Variants in RARB observed in about 807,000 individuals in gnomAD.
The protein encoded by RARB is HBV-activated protein.
RARB carries 17 observed loss-of-function variants against 51.9 expected under a neutral mutation model. The ratio of observed to expected loss-of-function variants is 0.33; its 90% CI spans 0.22 to 0.49. The LOEUF is 0.49. Among genes scored for constraint, RARB ranks in the 20% least tolerant of loss-of-function variants. The pLI, the probability that RARB is intolerant of heterozygous loss-of-function variation, is 0.99. For synonymous variants in RARB, 215 were observed against 195.4 expected, an observed-to-expected ratio of 1.10 and a Z score of -0.84; for missense variants, 369 against 550.8, an observed-to-expected ratio of 0.67 and a Z score of 3.30.
chr3:25,095,588 A>G (rs1286788322), intron 3 of RARB, among the ~76,000 whole-genome samples: 1 of 152,176 alleles, frequency 6.6e-6, no homozygotes, highest in African/African-American at 2.4e-5. Context: ...GTGGAGAAAT[A>G]TATTTAAACT....
chr3:25,473,407 C>T (rs1575437854), intron 2 of RARB, among the ~76,000 whole-genome samples: 2 of 152,154 alleles, frequency 1.3e-5, no homozygotes, highest in South Asian at 2.1e-4. Context: ...TCTGGCAGGC[C>T]GGCCCCATTA....
At chr3:25,053,895 A>G (rs1472731062) in intron 2 of RARB, among the ~76,000 whole-genome samples, 1 of 152,194 alleles carries the variant, frequency 6.6e-6, no homozygotes, top group East Asian at 1.9e-4. Flanking sequence ...GCCTGTACTC[A>G]TCTTTTGAAA....
At chr3:24,957,581 A>G (rs1056682464) in intron 2 of RARB, among the ~76,000 whole-genome samples, 2 of 152,220 alleles carry the variant, frequency 1.3e-5, no homozygotes, top group African/African-American at 2.4e-5. Context: ...TATTTACAGA[A>G]TTTGAAAAAT....
At chr3:25,110,747 G>C (rs1261030481) in intron 3 of RARB, among the ~76,000 whole-genome samples, 1 of 152,130 alleles carries the variant, frequency 6.6e-6, no homozygotes, top group Non-Finnish European at 1.5e-5. Context: ...GTGTATTGTA[G>C]CTCAGTTTAA....
At chr3:24,985,459 C>T (rs1372533577) in intron 2 of RARB, among the ~76,000 whole-genome samples, 1 of 150,672 alleles carries the variant, frequency 6.6e-6, no homozygotes, top group African/African-American at 2.4e-5. Context: ...AAAAAACAGA[C>T]AAATCTTTGC....
intron 4 of RARB, among the ~76,000 whole-genome samples, chr3:25,137,572 T>C (rs1241214539): frequency 1.3e-5 from 2 of 152,122 alleles, no homozygotes; most frequent in Non-Finnish European, 2.9e-5. Context: ...TCCACATAGA[T>C]GTTAAAGTTT....
At chr3:25,298,902 G>A (rs562274585) in intron 5 of RARB, among the ~76,000 whole-genome samples, 24 of 152,232 alleles carry the variant, frequency 1.6e-4, no homozygotes, top group Middle Eastern at 3.4e-3. Flanking sequence ...CCAAATTCCT[G>A]GAGAGACCTG....
intron 5 of RARB, among the ~76,000 whole-genome samples, chr3:25,211,347 A>G (rs1701691838): frequency 6.6e-6 from 1 of 152,236 alleles, no homozygotes; most frequent in Non-Finnish European, 1.5e-5. Context: ...GATTTGAGCC[A>G]TTTCTACAAA....
intron 5 of RARB, among the ~76,000 whole-genome samples, chr3:25,184,567 G>C (rs1209051000): frequency 6.6e-6 from 1 of 152,058 alleles, no homozygotes; most frequent in Non-Finnish European, 1.5e-5. Flanking sequence ...TGGAGTGAGA[G>C]AGGTGGCTGC....
intron 2 of RARB, among the ~76,000 whole-genome samples, chr3:25,034,003 T>A (rs1181710689): frequency 1.3e-5 from 2 of 152,216 alleles, no homozygotes; most frequent in Non-Finnish European, 2.9e-5. Flanking sequence ...TCCTTGTTTT[T>A]CTTAAGCCGT....
rs17015744 is a variant in RARB at position 25,065,385 on chromosome 3, A to G, written c.-328+5209A>G. 7.3e-3 allele frequency among the ~76,000 whole-genome samples: 1,115 copies of G among 152,308 alleles called. 10 individuals carry two copies. The highest frequency in any genetic ancestry group is 0.025 in the African/African-American group (1,041 of 41,558). ...TCTAGACATTGCATTTAAAAATCTGAATATGTTTTGATAGAGGATAATTTT... is the reference window on the plus strand; with the variant it reads ...TCTAGACATTGCATTTAAAAATCTGGATATGTTTTGATAGAGGATAATTTT... On this transcript the variant is annotated intron_variant, in intron 3 of 11. Coordinates refer to the RARB transcript ENST00000383772.
intron 2 of RARB, among the ~76,000 whole-genome samples, chr3:25,479,067 G>A (rs1696101204): frequency 6.6e-6 from 1 of 152,150 alleles, no homozygotes; most frequent in Admixed American, 6.5e-5. Context: ...CCTCTGGGAA[G>A]GGAGAAAGAG....
chr3:24,835,478 T>C (rs774454052), intron 1 of RARB, among the ~76,000 whole-genome samples: 1 of 152,214 alleles, frequency 6.6e-6, no homozygotes, highest in Non-Finnish European at 1.5e-5. Flanking sequence ...ATTACTAATA[T>C]TGATTGAGTG....
At chr3:25,006,511 G>T (rs1264180551) in intron 2 of RARB, among the ~76,000 whole-genome samples, 1 of 152,098 alleles carries the variant, frequency 6.6e-6, no homozygotes, top group Non-Finnish European at 1.5e-5. Context: ...ATCCTATCTG[G>T]TTTCTAGTTT....
intron 3 of RARB, among the ~76,000 whole-genome samples, chr3:25,503,641 C>A (rs1160969984): frequency 6.6e-6 from 1 of 151,774 alleles, no homozygotes; most frequent in African/African-American, 2.4e-5. Flanking sequence ...TCCAAGTACA[C>A]AAAAATAAAT....
rs188650278 is a variant in RARB, at chr3:25,092,825, G to A, written c.-328+32649G>A. 7.3e-3 allele frequency among the ~76,000 whole-genome samples: 1,112 copies of A among 152,250 alleles called. 16 individuals carry two copies. The highest frequency in any genetic ancestry group is 0.024 in the African/African-American group (993 of 41,522). On this transcript the variant is annotated intron_variant, in intron 3 of 11. Transcript: ENST00000383772. ...ATGAGTTTCATGTGTAAGGGAGAAT[G>A]ATGCACTGGTCATTTTTCCTTGTGC...
At chr3:24,932,150 C>T (rs1448237835) in intron 2 of RARB, among the ~76,000 whole-genome samples, 2 of 152,022 alleles carry the variant, frequency 1.3e-5, no homozygotes, top group Admixed American at 6.6e-5. Context: ...AATGAGAAAG[C>T]GGTGATGGGC....
chr3:25,234,936 T>C lies in RARB; in HGVS notation c.178+60361T>C, dbSNP rs2125392554. 1.3e-5 allele frequency among the ~76,000 whole-genome samples: 2 copies of C among 152,208 alleles called. 1 individual carries two copies. The highest frequency in any genetic ancestry group is 2.9e-5 in the Non-Finnish European group (2 of 68,008). ...CACCACATCAACACGATTTTATGAC[T>C]GGGAACATTCTTAGAGCAGGACTTG... On this transcript the variant is annotated intron_variant, in intron 5 of 11. Coordinates refer to the RARB transcript ENST00000383772.
At chr3:25,414,097 A>C (rs556353950) in intron 5 of RARB, among the ~76,000 whole-genome samples, 2 of 152,148 alleles carry the variant, frequency 1.3e-5, no homozygotes, top group East Asian at 3.9e-4. Context: ...GTCTCTAGGC[A>C]ACCACTGATT....
Sources: allele counts gnomAD v4.1 joint callset (sites outside exome capture counted in the v4.1 genomes callset), GRCh38; gene constraint gnomAD v4.1.1; transcripts MANE v1.5; gene names NCBI Gene and HGNC (gene_info 2026-07-23, HGNC 2026-07-21).